Variants in ZMIZ1 observed in about 807,000 individuals in gnomAD.
ZMIZ1 encodes zinc finger MIZ domain-containing protein 1.
Under a neutral mutation model 113.9 loss-of-function variants are expected in ZMIZ1, and 17 were observed. That is an observed-to-expected ratio of 0.15 (90% CI 0.10 to 0.22). The LOEUF (loss-of-function observed/expected upper bound fraction) is 0.22, where lower values mean the gene tolerates loss of function less well. Ranked by LOEUF, ZMIZ1 falls within the 10% of genes least tolerant of loss-of-function variation. ZMIZ1 has a pLI of 1.00. For missense variants in ZMIZ1, 1,059 were observed against 1,477.8 expected (o/e 0.72, Z 4.65); for synonymous variants, 607 against 603.1 (o/e 1.01, Z -0.09).
chr10:79,300,835 A>G lies in ZMIZ1; in HGVS notation c.1912A>G (p.Thr638Ala). 6.2e-7 allele frequency: 1 copy of G among 1,613,700 alleles called. No homozygotes were observed. Among genetic ancestry groups the G allele is most frequent in the Non-Finnish European group, 8.5e-7 (1 of 1,179,986 alleles). Residue 638 changes from threonine (T) to alanine (A), a missense_variant, in exon 17 of 25, where the codon ACC becomes GCC. Around this residue, in one of 6 missense-constraint regions of ZMIZ1, gnomAD observed 217 missense variants for 426.9 expected, o/e 0.51. Transcript: ENST00000334512. ...VQVSVNATPLTIERGDNKTSH... is the reference protein window; with the variant it reads ...VQVSVNATPLAIERGDNKTSH... ...GGTCAGCGTGAACGCCACGCCCCTC[A>G]CCATTGAGCGCGGCGACAACAAGAC...
chr10:79,223,235 C>T (rs765620672), intron 7 of ZMIZ1, among the ~76,000 whole-genome samples: 11 of 152,244 alleles, frequency 7.2e-5, no homozygotes, highest in Non-Finnish European at 1.3e-4. Flanking sequence ...AGCTCGCGGC[C>T]GCCCAGTGAG....
Position 79,109,424 on chromosome 10 carries a change from ACT to A in ZMIZ1, c.-336-9486_-336-9485del, listed in dbSNP as rs149468261. Among the ~76,000 whole-genome samples, 579 of 152,032 alleles carry A rather than the reference ACT, an allele frequency of 3.8e-3. 4 individuals carry two copies. Among genetic ancestry groups the A allele is most frequent in the African/African-American group, 0.014 (567 of 41,468 alleles). On this transcript the variant is annotated intron_variant, in intron 1 of 24. Coordinates refer to ENST00000334512, the MANE Select transcript of ZMIZ1 (RefSeq NM_020338.4). ...CCTGATCATTAGGCTCATGGATAAG[ACT>A]CTCTGTCATCGTAAATGAGTATAGA...
intron 4 of ZMIZ1, among the ~76,000 whole-genome samples, chr10:79,199,091 C>T (rs997730438): frequency 6.6e-6 from 1 of 151,896 alleles, no homozygotes; most frequent in Admixed American, 6.6e-5. Flanking sequence ...GAGTGTGAGC[C>T]CCCAGAGCAG....
At chr10:79,289,710 G>A in intron 8 of ZMIZ1, 65 bp from the exon 9 acceptor site, 1 of 1,462,122 alleles carries the variant, frequency 6.8e-7, no homozygotes, top group Non-Finnish European at 9.5e-7. Flanking sequence ...TGGGGTGATG[G>A]GCATGGCCTG....
At chr10:79,304,809 G>A (rs779493888) in intron 19 of ZMIZ1, among the ~76,000 whole-genome samples, 1 of 152,198 alleles carries the variant, frequency 6.6e-6, no homozygotes, top group Admixed American at 6.5e-5. Flanking sequence ...GATCAGACTT[G>A]TCTTCGGTGC....
intron 6 of ZMIZ1, among the ~76,000 whole-genome samples, chr10:79,213,349 G>A (rs1390012769): frequency 6.6e-6 from 1 of 152,164 alleles, no homozygotes; most frequent in African/African-American, 2.4e-5. Context: ...AGGGTTACAG[G>A]ATTTGATTCA....
At chr10:79,245,061 G>T (rs892099538) in intron 7 of ZMIZ1, among the ~76,000 whole-genome samples, 4 of 152,142 alleles carry the variant, frequency 2.6e-5, no homozygotes, top group South Asian at 2.1e-4. Flanking sequence ...TTTTTATCCT[G>T]AACTTCCTTA....
intron 7 of ZMIZ1, among the ~76,000 whole-genome samples, chr10:79,224,368 G>GT (rs1264951260): frequency 6.6e-6 from 1 of 152,164 alleles, no homozygotes; most frequent in Non-Finnish European, 1.5e-5. Context: ...CAGGGGCAGG[G>GT]TGAGAAGGAG....
intron 4 of ZMIZ1, among the ~76,000 whole-genome samples, chr10:79,196,232 G>T (rs1247909751): frequency 6.6e-6 from 1 of 152,204 alleles, no homozygotes; most frequent in Non-Finnish European, 1.5e-5. Flanking sequence ...AAGAAACACA[G>T]GACACAGCGC....
Position 79,298,575 on chromosome 10 carries a change from C to A in ZMIZ1, c.1661C>A (p.Pro554His). Residue 554 changes from proline to histidine, a missense_variant, in exon 15 of 25, where the codon CCC (proline) becomes CAC (histidine). By Grantham distance (77) the Pro-to-His change is moderately conservative. Around this residue, in one of 6 missense-constraint regions of ZMIZ1, gnomAD observed 239 missense variants for 247.5 expected, o/e 0.97. Transcript: ENST00000334512. ...CCAAATATGAGCGCTCTGCCACCAC[C>A]CCCAGGTGAGGGCCCTCCCTCCCTC... ...IKPNMSALPP[P>H]PANHNDELRL... 1 of 1,597,478 alleles carries A rather than the reference C, an allele frequency of 6.3e-7. No homozygotes were observed. Among genetic ancestry groups the A allele is most frequent in the South Asian group, 1.1e-5 (1 of 89,190 alleles).
At chr10:79,166,351 AC>A (rs1846347757) in intron 4 of ZMIZ1, among the ~76,000 whole-genome samples, 1 of 152,198 alleles carries the variant, frequency 6.6e-6, no homozygotes, top group African/African-American at 2.4e-5. Flanking sequence ...GCTCCAGCCA[AC>A]ATGCCACTCC....
intron 1 of ZMIZ1, among the ~76,000 whole-genome samples, chr10:79,081,436 C>A (rs1421607848): frequency 1.3e-5 from 2 of 152,188 alleles, no homozygotes; most frequent in African/African-American, 4.8e-5. Context: ...GAGGCCACAA[C>A]AGTGGCTCAC....
chr10:79,117,930 G>A (rs140735715), intron 1 of ZMIZ1, among the ~76,000 whole-genome samples: 294 of 152,294 alleles, frequency 1.9e-3, no homozygotes, highest in African/African-American at 6.9e-3. Context: ...CACCCCAGAG[G>A]CCTCCTATTG....
chr10:79,305,266 A>G (rs1162932756), intron 20 of ZMIZ1, 35 bp downstream of exon 20: 4 of 1,611,036 alleles, frequency 2.5e-6, no homozygotes, highest in South Asian at 2.2e-5. Context: ...GGCTTCCCCC[A>G]TCCCCCAACC....
intron 7 of ZMIZ1, among the ~76,000 whole-genome samples, chr10:79,257,013 A>G (rs1850952661): frequency 6.6e-6 from 1 of 152,250 alleles, no homozygotes; most frequent in Non-Finnish European, 1.5e-5. Flanking sequence ...GATGCTGTCT[A>G]CAGCCTCCCC....
chr10:79,093,175 C>CAT (rs769187139), intron 1 of ZMIZ1, among the ~76,000 whole-genome samples: 1 of 75,574 alleles, frequency 1.3e-5, no homozygotes, highest in African/African-American at 3.8e-5. Context: ...CACACACACA[C>CAT]ATATTCAGGG....
At chr10:79,101,303 G>A (rs1293001872) in intron 1 of ZMIZ1, among the ~76,000 whole-genome samples, 3 of 152,166 alleles carry the variant, frequency 2.0e-5, no homozygotes, top group Non-Finnish European at 4.4e-5. Flanking sequence ...AGTCCTCTAG[G>A]ATGAGGGGGA....
At chr10:79,079,380 G>T (rs1842583920) in intron 1 of ZMIZ1, among the ~76,000 whole-genome samples, 1 of 152,240 alleles carries the variant, frequency 6.6e-6, no homozygotes, top group African/African-American at 2.4e-5. Flanking sequence ...TTAATTCAAT[G>T]TGGACACCTG....
chr10:79,129,113 T>A (rs1844641578), intron 2 of ZMIZ1, among the ~76,000 whole-genome samples: 1 of 152,184 alleles, frequency 6.6e-6, no homozygotes, highest in Non-Finnish European at 1.5e-5. Context: ...TTTTATCAGA[T>A]GCTGTGCCGG....
Sources: gnomAD v4.1 joint callset for allele counts (sites outside exome capture counted in the v4.1 genomes callset) on GRCh38, gnomAD v4.1.1 for gene constraint, gnomAD v4.1.1 regional missense constraint, MANE v1.5 for transcripts, NCBI Gene and HGNC (gene_info 2026-07-23, HGNC 2026-07-21) for gene names.